The following PHF2 variants were observed in gnomAD, a reference collection of about 807,000 sequenced individuals.
PHF2 encodes the protein lysine-specific demethylase PHF2.
Under a neutral mutation model 120.5 loss-of-function variants are expected in PHF2, and 27 were observed. The observed-to-expected ratio is 0.22, with a 90% CI of 0.17 to 0.31. PHF2 has a LOEUF of 0.31. Ranked by LOEUF, PHF2 falls within the 10% of genes least tolerant of loss-of-function variation. The pLI is 1.00. For missense variants in PHF2, 1,024 were observed against 1,434.8 expected (o/e 0.71, Z 4.63); for synonymous variants, 568 against 592.5 (o/e 0.96, Z 0.60).
At chr9:93,662,757 T>C (rs1214635652) in intron 12 of PHF2, 150 bp from the exon 13 acceptor site, 4 of 792,370 alleles carry the variant, frequency 5.0e-6, no homozygotes, top group African/African-American at 1.7e-5. Flanking sequence ...GGTACATCGA[T>C]GGGTGGGTGA....
In PHF2 at chr9:93,665,672, C is replaced by T. The variant is rs753648749; in HGVS notation, c.1938-14C>T. 7.8e-5 allele frequency: 125 copies of T among 1,611,812 alleles called. No individual in the cohort carries two copies. Among genetic ancestry groups the T allele is most frequent in the Non-Finnish European group, 9.7e-5 (114 of 1,179,062 alleles). ...GCTATGTGGATGCTGCTGACCCACT[C>T]GCTTCTGCCCTAGCTCCAAGGCTCT... On this transcript the variant is annotated splice_polypyrimidine_tract_variant and intron_variant, in intron 14 of 21. Transcript: ENST00000359246.
At chr9:93,589,463 C>T (rs1863127717) in intron 1 of PHF2, among the ~76,000 whole-genome samples, 1 of 152,178 alleles carries the variant, frequency 6.6e-6, no homozygotes, top group Non-Finnish European at 1.5e-5. Flanking sequence ...CCCACGCCCA[C>T]ATTTGACAAG....
intron 1 of PHF2, among the ~76,000 whole-genome samples, chr9:93,596,618 C>T (rs1825337150): frequency 6.6e-6 from 1 of 151,968 alleles, no homozygotes; most frequent in Admixed American, 6.5e-5. Context: ...TGCTGGAGGG[C>T]TTCATGATCA....
At chr9:93,619,847 T>C (rs1220924391) in intron 1 of PHF2, among the ~76,000 whole-genome samples, 4 of 152,094 alleles carry the variant, frequency 2.6e-5, no homozygotes, top group African/African-American at 9.7e-5. Context: ...GTTGATGTTC[T>C]GTTTAATACT....
intron 17 of PHF2, among the ~76,000 whole-genome samples, chr9:93,670,283 G>A (rs555593250): frequency 1.0e-3 from 156 of 152,314 alleles, no homozygotes; most frequent in African/African-American, 2.9e-3. Flanking sequence ...AAGGTGGGGC[G>A]GGCTGCCTTG....
chr9:93,601,857 C>T (rs1024546110), intron 1 of PHF2, among the ~76,000 whole-genome samples: 1 of 148,234 alleles, frequency 6.7e-6, no homozygotes, highest in African/African-American at 2.5e-5. Flanking sequence ...AGGCTTGTGG[C>T]TTGTGGAAAT....
intron 12 of PHF2, 132 bp from the exon 13 acceptor site, chr9:93,662,775 C>A: frequency 1.0e-6 from 1 of 954,788 alleles, no homozygotes; most frequent in Non-Finnish European, 1.6e-6. Flanking sequence ...TGAATGGATG[C>A]GTGGATGGGT....
In PHF2 at chr9:93,660,575, C is replaced by T; in HGVS notation, c.1698+15C>T. 1 of 1,535,138 alleles carries T rather than the reference C, an allele frequency of 6.5e-7. No homozygotes were observed. The highest frequency in any genetic ancestry group is 8.7e-7 in the Non-Finnish European group (1 of 1,146,688). On this transcript the variant is annotated intron_variant, in intron 12 of 21. Transcript: ENST00000359246. Reference sequence around the variant, plus strand: ...AGAAGGGCAAGGTGGGACCCCCTCACCCTGACTCCCCACCTTATCACCAGA... The same window carrying T: ...AGAAGGGCAAGGTGGGACCCCCTCATCCTGACTCCCCACCTTATCACCAGA...
At chr9:93,638,230 T>C (rs1404466090) in intron 3 of PHF2, among the ~76,000 whole-genome samples, 1 of 152,158 alleles carries the variant, frequency 6.6e-6, no homozygotes, top group Non-Finnish European at 1.5e-5. Flanking sequence ...TCCTATTCTG[T>C]GGGTTGTCTT....
At chr9:93,662,719 A>G (rs772648612) in intron 12 of PHF2, among the ~76,000 whole-genome samples, 188 bp from the exon 13 acceptor site, 6 of 151,326 alleles carry the variant, frequency 4.0e-5, no homozygotes, top group Non-Finnish European at 7.4e-5. Flanking sequence ...TGAATGAATA[A>G]ATGGATGGAT....
At chr9:93,626,103 C>T (rs1045975054) in intron 1 of PHF2, among the ~76,000 whole-genome samples, 1 of 152,020 alleles carries the variant, frequency 6.6e-6, no homozygotes, top group Non-Finnish European at 1.5e-5. Flanking sequence ...ATTAGCCAGG[C>T]GTGATGGCAG....
chr9:93,592,109 T>A (rs1825238402), intron 1 of PHF2, among the ~76,000 whole-genome samples: 1 of 152,230 alleles, frequency 6.6e-6, no homozygotes, highest in East Asian at 1.9e-4. Flanking sequence ...AGGTCCCCAG[T>A]CCTGCCACCT....
At chr9:93,670,872 G>T (rs1285789665) in intron 17 of PHF2, 3 of 455,826 alleles carry the variant, frequency 6.6e-6, no homozygotes, top group Non-Finnish European at 8.6e-6. Context: ...TATGGGAGGG[G>T]CCACCTGAAG....
rs1316992710 is a variant in PHF2 at position 93,673,816 on chromosome 9, G to A, written c.2580G>A (p.Glu860=). ...ACAGTGTCGACCTGGACGACTACGAGGAAGAGCAGGACCACCTGGATGCCT... is the reference window on the plus strand; with the variant it reads ...ACAGTGTCGACCTGGACGACTACGAAGAAGAGCAGGACCACCTGGATGCCT... The part of the protein sequence containing the change: ...AKNSVDLDDY[E]EEQDHLDACF... The change falls in exon 18 of 22, where the codon GAG becomes GAA. Residue 860 remains glutamate, a synonymous_variant. Coordinates refer to ENST00000359246, the MANE Select transcript of PHF2 (RefSeq NM_005392.4). 6.2e-6 allele frequency: 10 copies of A among 1,609,974 alleles called. 1 individual carries two copies. In the South Asian group the frequency reaches 1.1e-4, roughly 18 times the overall value.
At chr9:93,670,782 G>C (rs1826767191) in intron 17 of PHF2, among the ~76,000 whole-genome samples, 2 of 152,200 alleles carry the variant, frequency 1.3e-5, no homozygotes, top group African/African-American at 2.4e-5. Flanking sequence ...GGAAGGAGGG[G>C]AGCCAGTGTA....
chr9:93,659,507 G>T lies in PHF2; in HGVS notation c.1240-4G>T, dbSNP rs1440585937. The T allele has an allele frequency of 6.2e-7, 1 of 1,613,616 alleles. No individual in the cohort carries two copies. Among genetic ancestry groups the T allele is most frequent in the South Asian group, 1.1e-5 (1 of 91,066 alleles). On this transcript the variant is annotated splice_polypyrimidine_tract_variant and splice_region_variant and intron_variant, in intron 10 of 21. Coordinates refer to ENST00000359246, the MANE Select transcript of PHF2 (RefSeq NM_005392.4). ...TGCTGACCCTGGGTCCGGTTGTCCTGCAGGCTTTGGCAGAGCATGAGGACG... is the reference window on the plus strand; with the variant it reads ...TGCTGACCCTGGGTCCGGTTGTCCTTCAGGCTTTGGCAGAGCATGAGGACG...
intron 1 of PHF2, among the ~76,000 whole-genome samples, chr9:93,620,312 G>A (rs778460049): frequency 6.6e-6 from 1 of 152,236 alleles, no homozygotes; most frequent in Admixed American, 6.5e-5. Flanking sequence ...TCCTCATGGA[G>A]CCTCTGTCTG....
At chr9:93,594,756 C>T (rs1268750709) in intron 1 of PHF2, 1 of 152,224 alleles carries the variant, frequency 6.6e-6, no homozygotes, top group Non-Finnish European at 1.5e-5. Flanking sequence ...CTGAGGAGAG[C>T]CCAGTGGACA....
chr9:93,622,314 C>T (rs748910960), intron 1 of PHF2, among the ~76,000 whole-genome samples: 12 of 152,290 alleles, frequency 7.9e-5, no homozygotes, highest in Admixed American at 2.0e-4. Flanking sequence ...TTTCTTAGCT[C>T]GGTCGGCAGA....
Sources: gnomAD v4.1 joint callset for allele counts (sites outside exome capture counted in the v4.1 genomes callset) on GRCh38, gnomAD v4.1.1 for gene constraint, MANE v1.5 for transcripts, NCBI Gene and HGNC (gene_info 2026-07-23, HGNC 2026-07-21) for gene names.